KIF3A: variants seen among roughly 807,000 people sequenced by gnomAD.
KIF3A encodes the protein kinesin-like protein KIF3A.
KIF3A carries 27 observed loss-of-function variants against 92.6 expected under a neutral mutation model. The ratio of observed to expected loss-of-function variants is 0.29; its 90% CI spans 0.21 to 0.40. KIF3A has a LOEUF of 0.40. Among genes scored for constraint, KIF3A ranks in the 10% least tolerant of loss-of-function variants. The pLI, the probability that KIF3A is intolerant of heterozygous loss-of-function variation, is 1.00. For missense variants in KIF3A, 581 were observed against 872.6 expected, an observed-to-expected ratio of 0.67 and a Z score of 4.21; for synonymous variants, 250 against 275.4, an observed-to-expected ratio of 0.91 and a Z score of 0.92.
At chr5:132,717,046 A>G (rs1753649238) in intron 5 of KIF3A, 62 bp from the exon 6 acceptor site, 1 of 1,497,936 alleles carries the variant, frequency 6.7e-7, no homozygotes, top group South Asian at 1.2e-5. Context: ...AAATAATTAA[A>G]CATCCTGAAC....
At chr5:132,691,931 T>TAAATA (rs540318992), downstream of KIF3A, among the ~76,000 whole-genome samples, 59 of 145,522 alleles carry the variant, frequency 4.1e-4, no homozygotes, top group East Asian at 5.8e-3. Context: ...AATAAAATAA[T>TAAATA]AAATAAAATA....
intron 8 of KIF3A, among the ~76,000 whole-genome samples, chr5:132,713,132 G>C (rs1407256596): frequency 6.6e-6 from 1 of 152,072 alleles, no homozygotes; most frequent in Non-Finnish European, 1.5e-5. Context: ...ATTCCAGCCT[G>C]GCAACAGAGC....
chr5:132,690,693 C>T (rs1016769171), downstream of KIF3A, among the ~76,000 whole-genome samples: 7 of 151,950 alleles, frequency 4.6e-5, no homozygotes, highest in East Asian at 1.9e-4. Flanking sequence ...TCTGGGAGGC[C>T]GAGGCAGGCG....
rs1408008508 is a variant in KIF3A at position 132,706,452 on chromosome 5, T to A, written c.1308A>T (p.Ala436=). Reference sequence around the variant, plus strand: ...GGAGTGCAAATCAATCACACCAACCTGCTTGATCTTGCAATAAGAAGTAGT... The same window carrying A: ...GGAGTGCAAATCAATCACACCAACCAGCTTGATCTTGCAATAAGAAGTAGT... ...KPLDKFLPNQ[A]GKKKVSPDKM... Residue 436 remains alanine, a splice_region_variant and synonymous_variant, in exon 11 of 19, where the codon GCA becomes GCT. Transcript: ENST00000403231. The A allele has an allele frequency of 3.9e-6, 6 of 1,542,940 alleles. No homozygotes were observed. The highest frequency in any genetic ancestry group is 4.4e-6 in the Non-Finnish European group (5 of 1,143,636).
At chr5:132,699,435 T>G (rs1194492816) in intron 17 of KIF3A, 140 bp from the exon 18 acceptor site, 1 of 777,046 alleles carries the variant, frequency 1.3e-6, no homozygotes, top group African/African-American at 1.8e-5. Flanking sequence ...TGACATCATC[T>G]TCTAATCCCA....
At chr5:132,706,860 AG>A (rs1446674875) in intron 10 of KIF3A, among the ~76,000 whole-genome samples, 1 of 152,194 alleles carries the variant, frequency 6.6e-6, no homozygotes, top group Non-Finnish European at 1.5e-5. Context: ...CAGAAAATTA[AG>A]GCAATTTTAA....
intron 4 of KIF3A, among the ~76,000 whole-genome samples, chr5:132,725,285 A>G (rs1331611539): frequency 6.6e-6 from 1 of 152,162 alleles, no homozygotes; most frequent in Non-Finnish European, 1.5e-5. Context: ...AAGCACAAAC[A>G]ATCCTTAACA....
chr5:132,703,094 T>G (rs1243053305), intron 12 of KIF3A, 29 bp from the exon 13 acceptor site: 1 of 1,536,160 alleles, frequency 6.5e-7, no homozygotes, highest in East Asian at 2.3e-5. Context: ...ATACTCTATA[T>G]TCACTGATGA....
downstream of KIF3A, chr5:132,689,681 G>C (rs150828257): frequency 3.9e-5 from 6 of 152,238 alleles, no homozygotes; most frequent in African/African-American, 9.6e-5. Context: ...GCGTTTGTAA[G>C]GGAGTGGCTC....
chr5:132,735,759 C>T (rs567334027), intron 1 of KIF3A, among the ~76,000 whole-genome samples: 1 of 152,332 alleles, frequency 6.6e-6, no homozygotes, highest in Non-Finnish European at 1.5e-5. Context: ...CACTCTCCTA[C>T]TTAAAAATTC....
chr5:132,701,649 G>A (rs1753041552), intron 15 of KIF3A, among the ~76,000 whole-genome samples: 1 of 151,956 alleles, frequency 6.6e-6, no homozygotes, highest in Non-Finnish European at 1.5e-5. Flanking sequence ...GATGGTACAG[G>A]TTGCACAACA....
intron 4 of KIF3A, among the ~76,000 whole-genome samples, chr5:132,722,772 T>C (rs1186084312): frequency 1.3e-5 from 2 of 152,204 alleles, no homozygotes; most frequent in African/African-American, 4.8e-5. Flanking sequence ...GTCACTATTG[T>C]AAAAGACCAT....
Position 132,703,438 on chromosome 5 carries a change from T to C in KIF3A, c.1466+25A>G, listed in dbSNP as rs1753110321. The C allele has an allele frequency of 2.6e-6, 4 of 1,543,772 alleles. No homozygotes were observed. In the South Asian group the frequency reaches 4.8e-5, roughly 18 times the overall value. ...AAAAAACAGAAATTTAAATCATGAA[T>C]TCATCTCAATTCAATAATACTCACT... On this transcript the variant is annotated intron_variant, in intron 12 of 18. Transcript: ENST00000403231.
chr5:132,692,089 T>TAAAAATG (rs1752680565), downstream of KIF3A, among the ~76,000 whole-genome samples: 1 of 152,146 alleles, frequency 6.6e-6, no homozygotes. Context: ...TATGCAGCCA[T>TAAAAATG]AAAAATGAAT....
At chr5:132,716,710 T>A in intron 6 of KIF3A, 135 bp downstream of exon 6, 5 of 1,002,814 alleles carry the variant, frequency 5.0e-6, no homozygotes, top group Non-Finnish European at 6.0e-6. Flanking sequence ...TGTTCCATAA[T>A]AAATAATAAA....
chr5:132,701,964 T>A, intron 15 of KIF3A, 123 bp downstream of exon 15: 3 of 1,054,502 alleles, frequency 2.8e-6, no homozygotes, highest in Non-Finnish European at 4.1e-6. Context: ...TGTGATGGCA[T>A]TTGTTCAAAA....
chr5:132,690,960 T>C (rs1752648651), downstream of KIF3A, among the ~76,000 whole-genome samples: 1 of 152,184 alleles, frequency 6.6e-6, no homozygotes, highest in South Asian at 2.1e-4. Flanking sequence ...TTAAAGTCCT[T>C]TGAAACTTGT....
At chr5:132,727,547 A>G (rs1754076241) in intron 2 of KIF3A, among the ~76,000 whole-genome samples, 1 of 152,272 alleles carries the variant, frequency 6.6e-6, no homozygotes, top group South Asian at 2.1e-4. Context: ...AAATGAGACC[A>G]GAATGGAAGA....
chr5:132,703,679 A>C, intron 11 of KIF3A, 60 bp from the exon 12 acceptor site: 1 of 1,245,972 alleles, frequency 8.0e-7, no homozygotes, highest in Non-Finnish European at 1.1e-6. Flanking sequence ...AGACTTATAT[A>C]AATTACCTCC....
Sources: gnomAD v4.1 joint callset for allele counts (sites outside exome capture counted in the v4.1 genomes callset) on GRCh38, gnomAD v4.1.1 for gene constraint, MANE v1.5 for transcripts, NCBI Gene and HGNC (gene_info 2026-07-23, HGNC 2026-07-21) for gene names.